SOX5: variants seen among roughly 807,000 people sequenced by gnomAD.
SOX5 encodes the protein transcription factor SOX-5.
A neutral mutation model predicts 92.0 loss-of-function variants in SOX5; 9 were observed. The ratio of observed to expected loss-of-function variants is 0.10; its 90% CI spans 0.06 to 0.17. The LOEUF is 0.17. Ranked by LOEUF, SOX5 falls within the 10% of genes least tolerant of loss-of-function variation. The probability of loss-of-function intolerance (pLI) is 1.00; values close to 1 mark genes in which losing one functional copy is unlikely to be tolerated. For synonymous variants in SOX5, 344 were observed against 336.3 expected, an observed-to-expected ratio of 1.02 and a Z score of -0.25; for missense variants, 642 against 944.5, an observed-to-expected ratio of 0.68 and a Z score of 4.20.
intron 6 of SOX5, among the ~76,000 whole-genome samples, chr12:23,674,291 C>T (rs964226523): frequency 3.4e-5 from 5 of 146,934 alleles, no homozygotes; most frequent in Non-Finnish European, 4.5e-5. Context: ...AGCACAGAAA[C>T]ACTAACGAAA....
At chr12:24,183,660 T>A (rs976260252) in intron 4 of SOX5, among the ~76,000 whole-genome samples, 2 of 152,174 alleles carry the variant, frequency 1.3e-5, no homozygotes, top group African/African-American at 4.8e-5. Context: ...TAAAAAAAAT[T>A]TCCAAAACTT....
At chr12:24,026,205 C>A (rs764221145) in intron 4 of SOX5, among the ~76,000 whole-genome samples, 1 of 151,966 alleles carries the variant, frequency 6.6e-6, no homozygotes, top group Non-Finnish European at 1.5e-5. Flanking sequence ...GGGGTAACCA[C>A]GGGAGTGAAG....
intron 6 of SOX5, among the ~76,000 whole-genome samples, chr12:23,732,414 T>C (rs2093426406): frequency 6.6e-6 from 1 of 152,136 alleles, no homozygotes; most frequent in Admixed American, 6.6e-5. Context: ...TTCTCCAAAT[T>C]AACAATTGAC....
In SOX5 at chr12:23,615,012, CA is replaced by C. The variant is rs549972381; in HGVS notation, c.1018-10480del. Among the ~76,000 whole-genome samples, 516 of 152,216 alleles carry C rather than the reference CA, an allele frequency of 3.4e-3. 3 individuals are homozygous for C. Among genetic ancestry groups the C allele is most frequent in the African/African-American group, 0.011 (476 of 41,528 alleles). ...GCAGACGGGGTTTTACCATGTTGGT[CA>C]GGATGTTCTCGAACTCCTGACCTCG... On this transcript the variant is annotated intron_variant, in intron 8 of 14. Transcript: ENST00000451604.
chr12:23,559,234 G>GT, intron 11 of SOX5, among the ~76,000 whole-genome samples: 1 of 152,208 alleles, frequency 6.6e-6, no homozygotes, highest in East Asian at 1.9e-4. Flanking sequence ...AGCAAAGTGT[G>GT]TTTTTTACAA....
chr12:23,557,110 T>G (rs191266163), intron 11 of SOX5, among the ~76,000 whole-genome samples: 24 of 152,168 alleles, frequency 1.6e-4, no homozygotes, highest in African/African-American at 5.3e-4. Flanking sequence ...GGTTGGACAA[T>G]GGCAGGAAAG....
chr12:24,271,024 A>G (rs1943664990), intron 3 of SOX5, among the ~76,000 whole-genome samples: 1 of 152,190 alleles, frequency 6.6e-6, no homozygotes, highest in Non-Finnish European at 1.5e-5. Context: ...TCTCTAGGAT[A>G]TTTATCTCTA....
chr12:24,200,723 G>A (rs1239423483), intron 4 of SOX5, among the ~76,000 whole-genome samples: 2 of 152,138 alleles, frequency 1.3e-5, no homozygotes, highest in Non-Finnish European at 2.9e-5. Context: ...AGGTATTGCA[G>A]GTGCCAGATG....
intron 1 of SOX5, among the ~76,000 whole-genome samples, chr12:24,371,170 C>T (rs944202456): frequency 2.0e-5 from 3 of 152,186 alleles, no homozygotes; most frequent in African/African-American, 7.2e-5. Flanking sequence ...GGATTTGGCA[C>T]ACCACTGATG....
At chr12:24,047,361 G>T (rs112937799) in intron 4 of SOX5, among the ~76,000 whole-genome samples, 2,156 of 152,202 alleles carry the variant, frequency 0.014, 41 homozygotes, top group African/African-American at 0.05. Flanking sequence ...GAAGCAAAAA[G>T]GATTGAGGTT....
At chr12:24,273,194 G>A (rs1404378952) in intron 3 of SOX5, among the ~76,000 whole-genome samples, 2 of 152,214 alleles carry the variant, frequency 1.3e-5, no homozygotes, top group Non-Finnish European at 2.9e-5. Flanking sequence ...GCAAGGCAGA[G>A]GTTGCAGTGA....
intron 1 of SOX5, among the ~76,000 whole-genome samples, chr12:24,458,991 C>G (rs1943327214): frequency 6.6e-6 from 1 of 152,024 alleles, no homozygotes; most frequent in African/African-American, 2.4e-5. Context: ...ATGAACTACC[C>G]AAAAAGACAC....
At chr12:24,282,108 G>C (rs1945280808) in intron 2 of SOX5, among the ~76,000 whole-genome samples, 1 of 152,154 alleles carries the variant, frequency 6.6e-6, no homozygotes, top group South Asian at 2.1e-4. Flanking sequence ...ACTTTGCTAT[G>C]CTGTTGTTTC....
chr12:24,515,733 A>C (rs1949721061), intron 1 of SOX5, among the ~76,000 whole-genome samples: 1 of 152,226 alleles, frequency 6.6e-6, no homozygotes, highest in Non-Finnish European at 1.5e-5. Context: ...CTTAAAAACC[A>C]CATCAACACT....
chr12:24,030,096 G>A (rs1028330899), intron 4 of SOX5, among the ~76,000 whole-genome samples: 1 of 151,808 alleles, frequency 6.6e-6, no homozygotes, highest in East Asian at 1.9e-4. Context: ...ATAATGAAGG[G>A]GCTTGGGTTT....
intron 3 of SOX5, among the ~76,000 whole-genome samples, chr12:23,795,017 A>G (rs1416921689): frequency 6.6e-6 from 1 of 152,178 alleles, no homozygotes; most frequent in East Asian, 1.9e-4. Context: ...AGTAAACTGG[A>G]ATAACATCCA....
At chr12:24,412,591 G>A (rs1964300279) in intron 1 of SOX5, among the ~76,000 whole-genome samples, 1 of 151,778 alleles carries the variant, frequency 6.6e-6, no homozygotes, top group Non-Finnish European at 1.5e-5. Flanking sequence ...AAATTTTCCT[G>A]TTCTCTTTCT....
intron 1 of SOX5, among the ~76,000 whole-genome samples, chr12:23,905,174 T>C (rs1275582216): frequency 6.6e-6 from 1 of 152,174 alleles, no homozygotes; most frequent in African/African-American, 2.4e-5. Flanking sequence ...CTAGAAAATG[T>C]CCATTTTTGT....
At chr12:23,652,691 T>G (rs893572046) in intron 7 of SOX5, among the ~76,000 whole-genome samples, 1 of 151,988 alleles carries the variant, frequency 6.6e-6, no homozygotes, top group Non-Finnish European at 1.5e-5. Flanking sequence ...TAACCTTGAT[T>G]TCTCCATCCC....
Sources: gnomAD v4.1 joint callset for allele counts (sites outside exome capture counted in the v4.1 genomes callset) on GRCh38, gnomAD v4.1.1 for gene constraint, MANE v1.5 for transcripts, NCBI Gene and HGNC (gene_info 2026-07-23, HGNC 2026-07-21) for gene names.